Variants in CAMK1D observed in about 807,000 individuals in gnomAD.
CAMK1D encodes the protein calcium/calmodulin-dependent protein kinase type 1D.
A neutral mutation model predicts 47.7 loss-of-function variants in CAMK1D; 9 were observed. That is an observed-to-expected ratio of 0.19 (90% CI 0.11 to 0.33). The LOEUF is 0.33. Ranked by LOEUF, CAMK1D falls within the 10% of genes least tolerant of loss-of-function variation. CAMK1D has a pLI of 1.00. For missense variants in CAMK1D, 291 were observed against 488.7 expected (o/e 0.60, Z 3.81); for synonymous variants, 184 against 184.9 (o/e 0.99, Z 0.04).
intron 1 of CAMK1D, among the ~76,000 whole-genome samples, chr10:12,399,024 C>T (rs1040216137): frequency 1.3e-5 from 2 of 152,176 alleles, no homozygotes; most frequent in African/African-American, 4.8e-5. Flanking sequence ...ATCACAGTTG[C>T]TGCTGTTAGC....
chr10:12,349,947 C>A, intron 1 of CAMK1D, 37 bp downstream of exon 1: 1 of 1,335,924 alleles, frequency 7.5e-7, no homozygotes, highest in Non-Finnish European at 1.0e-6. Flanking sequence ...TGGAGGTGGC[C>A]GCGGCAGGGG....
intron 1 of CAMK1D, among the ~76,000 whole-genome samples, chr10:12,461,064 A>C (rs1833406976): frequency 6.6e-6 from 1 of 152,200 alleles, no homozygotes; most frequent in African/African-American, 2.4e-5. Context: ...CCTTACAGGA[A>C]GCTTGGACAG....
chr10:12,807,533 C>G (rs60596487), intron 6 of CAMK1D, among the ~76,000 whole-genome samples: 3 of 151,964 alleles, frequency 2.0e-5, no homozygotes, highest in African/African-American at 7.3e-5. Context: ...CCTCTCTCCT[C>G]CTCACCCTGC....
rs1015176880 is a variant in CAMK1D, at chr10:12,694,338, A to T, written c.299+27528A>T. Among the ~76,000 whole-genome samples the T allele has an allele frequency of 4.5e-3, 283 of 62,780 alleles. 18 individuals are homozygous for T. Among genetic ancestry groups the T allele is most frequent in the South Asian group, 0.01 (19 of 1,826 alleles). 41.2% of individuals were successfully genotyped at this position (62,780 alleles called of 152,430 possible). On this transcript the variant is annotated intron_variant, in intron 3 of 10. Transcript: ENST00000619168. ...AAAATATAATATATAAAGTATATAT[A>T]ATATATAACATATATATGTTATATG...
intron 1 of CAMK1D, among the ~76,000 whole-genome samples, chr10:12,352,479 T>C (rs1837382409): frequency 1.3e-5 from 2 of 151,604 alleles, no homozygotes; most frequent in Non-Finnish European, 2.9e-5. Context: ...TGTGGTGGTG[T>C]GTGCCTATAA....
chr10:12,357,376 C>G (rs560320955), intron 1 of CAMK1D, among the ~76,000 whole-genome samples: 1 of 151,478 alleles, frequency 6.6e-6, no homozygotes, highest in Non-Finnish European at 1.5e-5. Context: ...AGTGCAGTGG[C>G]GTGATCTTGG....
chr10:12,657,758 T>A (rs1445695454), intron 2 of CAMK1D, among the ~76,000 whole-genome samples: 1 of 152,228 alleles, frequency 6.6e-6, no homozygotes, highest in Non-Finnish European at 1.5e-5. Context: ...TCCCTCTAGA[T>A]GTTTTACTCT....
chr10:12,418,818 G>C (rs77834678), intron 1 of CAMK1D, among the ~76,000 whole-genome samples: 1 of 152,286 alleles, frequency 6.6e-6, no homozygotes, highest in Non-Finnish European at 1.5e-5. Flanking sequence ...GGTGTGTCTG[G>C]GAGTTGCAGA....
In CAMK1D at chr10:12,827,462, TTGTCTGTC is replaced by T. The variant is rs146091737; in HGVS notation, c.1040-1301_1040-1294del. Among the ~76,000 whole-genome samples the T allele has an allele frequency of 4.4e-3, 54 of 12,146 alleles. 12 individuals are homozygous for T. Among genetic ancestry groups the T allele is most frequent in the Non-Finnish European group, 8.6e-3 (35 of 4,072 alleles). 8.0% of individuals were successfully genotyped at this position (12,146 alleles called of 152,430 possible). ...TTCTTTCTTTCTTTCTTTTCTTTCT[TTGTCTGTC>T]TGTCTTTCTTTCTTTCTTTCTTTCT... On this transcript the variant is annotated intron_variant, in intron 10 of 10. Coordinates refer to ENST00000619168, the MANE Select transcript of CAMK1D (RefSeq NM_153498.4).
At chr10:12,503,314 C>T (rs776847225) in intron 1 of CAMK1D, among the ~76,000 whole-genome samples, 16 of 152,236 alleles carry the variant, frequency 1.1e-4, no homozygotes, top group East Asian at 1.9e-4. Flanking sequence ...CAGGTGGCTG[C>T]GTGTAGTGTA....
At chr10:12,459,600 C>G (rs1406421462) in intron 1 of CAMK1D, among the ~76,000 whole-genome samples, 2 of 152,162 alleles carry the variant, frequency 1.3e-5, no homozygotes, top group East Asian at 3.8e-4. Context: ...AGGGCGATAG[C>G]TCCATGGTAG....
intron 3 of CAMK1D, among the ~76,000 whole-genome samples, chr10:12,737,054 G>A (rs868339406): frequency 2.0e-5 from 3 of 152,160 alleles, no homozygotes; most frequent in Non-Finnish European, 2.9e-5. Context: ...GCAGGGGAGG[G>A]CATGAAGGTG....
intron 1 of CAMK1D, among the ~76,000 whole-genome samples, chr10:12,492,047 A>G (rs1834400200): frequency 6.6e-6 from 1 of 152,028 alleles, no homozygotes; most frequent in Non-Finnish European, 1.5e-5. Flanking sequence ...AGCCTCCCAA[A>G]CTGCTGAGAT....
At chr10:12,354,736 C>T (rs753155805) in intron 1 of CAMK1D, among the ~76,000 whole-genome samples, 10 of 151,946 alleles carry the variant, frequency 6.6e-5, no homozygotes, top group Non-Finnish European at 1.3e-4. Context: ...AGTACCCTTG[C>T]AACCCTAAGA....
intron 1 of CAMK1D, among the ~76,000 whole-genome samples, chr10:12,503,942 G>A (rs1834785797): frequency 6.6e-6 from 1 of 152,134 alleles, no homozygotes; most frequent in Non-Finnish European, 1.5e-5. Flanking sequence ...CTCTCTGAGG[G>A]CCTCAGCTGG....
chr10:12,484,689 G>T (rs1834159705), intron 1 of CAMK1D, among the ~76,000 whole-genome samples: 1 of 152,184 alleles, frequency 6.6e-6, no homozygotes, highest in African/African-American at 2.4e-5. Context: ...GATGTGGAAA[G>T]TGTCTTCCAG....
In CAMK1D at chr10:12,390,770, A is replaced by G. The variant is rs555293565; in HGVS notation, c.92+40860A>G. 2.0e-5 allele frequency among the ~76,000 whole-genome samples: 3 copies of G among 152,230 alleles called. No individual in the cohort carries two copies. The South Asian group carries it at 6.2e-4, about 32-fold the overall frequency. On this transcript the variant is annotated intron_variant, in intron 1 of 10. Coordinates refer to ENST00000619168, the MANE Select transcript of CAMK1D (RefSeq NM_153498.4). Reference sequence around the variant, plus strand: ...AAGGGGAGCCCAGAAGGGTTGAGGGACTTGCCTGAGATCACACAGCTAGTG... The same window carrying G: ...AAGGGGAGCCCAGAAGGGTTGAGGGGCTTGCCTGAGATCACACAGCTAGTG...
intron 1 of CAMK1D, among the ~76,000 whole-genome samples, chr10:12,417,563 C>CCCTG (rs1839896942): frequency 6.6e-6 from 1 of 152,122 alleles, no homozygotes; most frequent in South Asian, 2.1e-4. Context: ...GATGGCTTGG[C>CCCTG]CCTGGGCTGT....
intron 2 of CAMK1D, among the ~76,000 whole-genome samples, chr10:12,565,758 A>G (rs1837103808): frequency 6.6e-6 from 1 of 152,128 alleles, no homozygotes; most frequent in Non-Finnish European, 1.5e-5. Context: ...AGACATTTTT[A>G]GGGGCCACAT....
Sources: gnomAD v4.1 joint callset for allele counts (sites outside exome capture counted in the v4.1 genomes callset) on GRCh38, gnomAD v4.1.1 for gene constraint, MANE v1.5 for transcripts, NCBI Gene and HGNC (gene_info 2026-07-23, HGNC 2026-07-21) for gene names.